ZNF717: variants seen among roughly 807,000 people sequenced by gnomAD.
ZNF717 encodes the protein krueppel-like factor X17.
Under a neutral mutation model 13.8 loss-of-function variants are expected in ZNF717, and 9 were observed. The observed-to-expected ratio is 0.65, with a 90% CI of 0.39 to 1.14. The LOEUF (loss-of-function observed/expected upper bound fraction) is 1.14. Ranked by LOEUF, ZNF717 falls within the 50% of genes most tolerant of loss-of-function variation. The pLI is 0.01. For synonymous variants in ZNF717, 327 were observed against 364.1 expected (o/e 0.90, Z 1.16); for missense variants, 1,040 against 1,080.7 (o/e 0.96, Z 0.53).
intron 4 of ZNF717, among the ~76,000 whole-genome samples, chr3:75,723,167 G>A (rs1331459643): frequency 5.3e-5 from 8 of 149,560 alleles, no homozygotes; most frequent in African/African-American, 1.7e-4. Flanking sequence ...ACGCAGATAC[G>A]TTTTCCATAT....
exon 6 of ZNF717, chr3:75,711,252 A>G (rs1249953497): frequency 1.3e-5 from 2 of 152,258 alleles, no homozygotes; most frequent in East Asian, 3.8e-4. Context: ...TCTTTGTTCA[A>G]AAAATTATAC....
chr3:75,752,902 A>G (rs1220937940), intron 2 of ZNF717, among the ~76,000 whole-genome samples: 1 of 151,678 alleles, frequency 6.6e-6, no homozygotes, highest in Non-Finnish European at 1.5e-5. Flanking sequence ...AGGATTCCAG[A>G]TCTCTCCTGC....
downstream of ZNF717, among the ~76,000 whole-genome samples, chr3:75,727,096 C>A (rs796072951): frequency 6.6e-6 from 1 of 152,252 alleles, no homozygotes; most frequent in Non-Finnish European, 1.5e-5. Flanking sequence ...TTTATTAGTT[C>A]CCAAAATTAA....
At chr3:75,784,424 A>C (rs1388300655) in intron 1 of ZNF717, among the ~76,000 whole-genome samples, 1 of 152,238 alleles carries the variant, frequency 6.6e-6, no homozygotes, top group Non-Finnish European at 1.5e-5. Flanking sequence ...TAAATTACAA[A>C]TCAAATACAA....
chr3:75,700,081 T>C (rs1415600481), intron 6 of ZNF717, among the ~76,000 whole-genome samples: 1 of 152,278 alleles, frequency 6.6e-6, no homozygotes, highest in Non-Finnish European at 1.5e-5. Flanking sequence ...AAGCAATCTA[T>C]ACATTTCATG....
downstream of ZNF717, among the ~76,000 whole-genome samples, chr3:75,726,832 C>G (rs1293695404): frequency 6.8e-6 from 1 of 147,148 alleles, no homozygotes; most frequent in Non-Finnish European, 1.5e-5. Flanking sequence ...AATACCCCCA[C>G]AGACACCAAA....
intron 2 of ZNF717, among the ~76,000 whole-genome samples, chr3:75,745,240 T>C (rs867841080): frequency 3.9e-5 from 6 of 152,016 alleles, no homozygotes; most frequent in African/African-American, 1.4e-4. Flanking sequence ...GTTTTTGTAA[T>C]GTAAAATGTC....
At position 75,765,527 on chromosome 3, in the gene ZNF717, C is replaced by T. The variant is rs1400429874; in HGVS notation, c.57+17779G>A. ...CCAGGCTCAAGCAACCCTCCCACCT[C>T]AGCCTCCCGAATAGTTGGGACTACA... On this transcript the variant is annotated intron_variant, in intron 2 of 4. Coordinates refer to ENST00000652011, the MANE Select transcript of ZNF717 (RefSeq NM_001290208.3). Among the ~76,000 whole-genome samples the T allele has an allele frequency of 2.6e-5, 4 of 152,328 alleles. No individual in the cohort carries two copies. The South Asian group carries it at 6.2e-4, about 24-fold the overall frequency.
intron 4 of ZNF717, among the ~76,000 whole-genome samples, chr3:75,719,970 A>AAATCATAATAATAAT (rs1553653519): frequency 2.7e-5 from 4 of 146,136 alleles, no homozygotes; most frequent in African/African-American, 5.0e-5. Context: ...AAATAATAAT[A>AAATCATAATAATAAT]AATAATAATA....
chr3:75,738,116 C>G lies in ZNF717; in HGVS notation c.1507G>C (p.Gly503Arg), dbSNP rs770035668. The change falls in exon 5 of 5, where the codon GGG becomes CGG. Residue 503 changes from glycine to arginine, a missense_variant. Physicochemically the swap from Gly to Arg is moderately radical, Grantham distance 125. Coordinates refer to ENST00000652011, the MANE Select transcript of ZNF717 (RefSeq NM_001290208.3). ...TCATTGCATTCGTAGGGTTTTTCCC[C>G]TGTGTGAGTCCATTGATGGATAGTG... ...FLTIHQWTHT[G>R]EKPYECNECG... The G allele has an allele frequency of 1.0e-5, 6 of 595,572 alleles. No homozygotes were observed. The highest frequency in any genetic ancestry group is 1.4e-5 in the Non-Finnish European group (6 of 430,848). The allele number at this position is 595,572 out of a possible 1,614,324, so 36.9% of individuals were successfully genotyped here.
At chr3:75,769,139 C>T (rs1416734094) in intron 2 of ZNF717, among the ~76,000 whole-genome samples, 1 of 152,258 alleles carries the variant, frequency 6.6e-6, no homozygotes, top group South Asian at 2.1e-4. Flanking sequence ...CGTGGCTGGT[C>T]TCAGTGATGA....
rs540627738 is a variant in ZNF717 at position 75,738,615 on chromosome 3, T to C, written c.1008A>G (p.Glu336=). 32 of 1,552,442 alleles carry C rather than the reference T, an allele frequency of 2.1e-5. No individual in the cohort carries two copies. The East Asian group carries it at 7.8e-4, about 38-fold the overall frequency. ...CACATTCATTGCATCCATAGGGCTT[T>C]TCCCCTGTGTGAATTCTCTGATGGA... ...LIIHQRIHTG[E]KPYGCNECGK... is the part of the protein sequence containing the mutation. Residue 336 remains glutamate, a synonymous_variant, in exon 5 of 5, where the codon GAA becomes GAG. Coordinates refer to ENST00000652011, the MANE Select transcript of ZNF717 (RefSeq NM_001290208.3).
At chr3:75,707,475 C>T (rs1279961949), downstream of ZNF717, among the ~76,000 whole-genome samples, 1 of 152,302 alleles carries the variant, frequency 6.6e-6, no homozygotes, top group Non-Finnish European at 1.5e-5. Context: ...GGGGTGGAGC[C>T]AAGATGGCTG....
intron 2 of ZNF717, among the ~76,000 whole-genome samples, chr3:75,769,568 G>A (rs979729526): frequency 5.9e-5 from 9 of 152,208 alleles, no homozygotes; most frequent in African/African-American, 2.2e-4. Context: ...AAAAACTCAT[G>A]AGAGATCACA....
At chr3:75,704,007 G>A (rs1361425188) in intron 6 of ZNF717, among the ~76,000 whole-genome samples, 1 of 152,292 alleles carries the variant, frequency 6.6e-6, no homozygotes, top group Non-Finnish European at 1.5e-5. Flanking sequence ...TAGGAGTGTA[G>A]CATTTTTTGT....
At chr3:75,769,199 C>T (rs563152770) in intron 2 of ZNF717, among the ~76,000 whole-genome samples, 14 of 152,192 alleles carry the variant, frequency 9.2e-5, no homozygotes, top group African/African-American at 2.4e-4. Context: ...TTCTGAGGGG[C>T]GATCATGAGA....
intron 2 of ZNF717, among the ~76,000 whole-genome samples, chr3:75,747,401 T>C (rs966077727): frequency 2.0e-5 from 3 of 152,160 alleles, no homozygotes; most frequent in African/African-American, 7.2e-5. Flanking sequence ...GTGAAGAAAA[T>C]CATTGGTAGC....
chr3:75,714,929 C>T (rs1223879627), intron 5 of ZNF717, among the ~76,000 whole-genome samples: 4 of 152,148 alleles, frequency 2.6e-5, no homozygotes, highest in African/African-American at 9.7e-5. Flanking sequence ...TATGCACAAA[C>T]ACATCTGACC....
In ZNF717 at chr3:75,712,917, T is replaced by C. The variant is rs1350960315; in HGVS notation, n.668-1601A>G. On this transcript the variant is annotated intron_variant and non_coding_transcript_variant, in intron 5 of 5. Transcript: ENST00000491507. Reference sequence around the variant, plus strand: ...TACATTTTTTCTTATTAAAAATTCATCCTACTTTTTAAGGCACACTTTTAT... The same window carrying C: ...TACATTTTTTCTTATTAAAAATTCACCCTACTTTTTAAGGCACACTTTTAT... Among the ~76,000 whole-genome samples, 115 of 151,062 alleles carry C rather than the reference T, an allele frequency of 7.6e-4. 2 individuals carry two copies. The highest frequency in any genetic ancestry group is 4.3e-4 in the Non-Finnish European group (29 of 67,952).
Sources: allele counts gnomAD v4.1 joint callset (sites outside exome capture counted in the v4.1 genomes callset), GRCh38; gene constraint gnomAD v4.1.1; transcripts MANE v1.5; gene names NCBI Gene and HGNC (gene_info 2026-07-23, HGNC 2026-07-21).